Variants in KANSL1 observed in about 807,000 individuals in gnomAD.
The protein encoded by KANSL1 is MLL1/MLL complex subunit KANSL1.
KANSL1 carries 22 observed loss-of-function variants against 103.6 expected under a neutral mutation model. The observed-to-expected ratio is 0.21, with a 90% CI of 0.15 to 0.30. The LOEUF is 0.30. Ranked by LOEUF, KANSL1 falls within the 10% of genes least tolerant of loss-of-function variation. The pLI, the probability that KANSL1 is intolerant of heterozygous loss-of-function variation, is 1.00. For synonymous variants in KANSL1, 600 were observed against 527.6 expected, an observed-to-expected ratio of 1.14 and a Z score of -1.88; for missense variants, 1,337 against 1,399.8, an observed-to-expected ratio of 0.96 and a Z score of 0.72.
chr17:46,175,617 T>G lies in KANSL1; in HGVS notation c.-89-3385A>C, dbSNP rs913531464. Among the ~76,000 whole-genome samples the G allele has an allele frequency of 2.0e-5, 3 of 152,210 alleles. No homozygotes were observed. In the East Asian group the frequency reaches 5.8e-4, roughly 29 times the overall value. On this transcript the variant is annotated intron_variant, in intron 1 of 14. Transcript: ENST00000432791. ...CGCTTGCCTCAGCATCCCAAAGTGCTAGGATTACAGGTGTGATCCACTGTG... is the reference window on the plus strand; with the variant it reads ...CGCTTGCCTCAGCATCCCAAAGTGCGAGGATTACAGGTGTGATCCACTGTG...
chr17:46,034,311 AG>A, intron 10 of KANSL1, 26 bp from the exon 11 acceptor site: 2 of 1,612,102 alleles, frequency 1.2e-6, no homozygotes, highest in South Asian at 2.2e-5. Flanking sequence ...TAAGTTTAAA[AG>A]GAAGGTACAA....
intron 2 of KANSL1, among the ~76,000 whole-genome samples, chr17:46,165,910 G>A (rs1211362495): frequency 1.3e-5 from 2 of 152,074 alleles, no homozygotes; most frequent in African/African-American, 2.4e-5. Flanking sequence ...ACTCCAAGAG[G>A]ATAAAATTCC....
At chr17:46,112,963 C>T (rs1224218805) in intron 2 of KANSL1, among the ~76,000 whole-genome samples, 1 of 152,136 alleles carries the variant, frequency 6.6e-6, no homozygotes, top group Non-Finnish European at 1.5e-5. Flanking sequence ...TCAGGTGACC[C>T]GCCCACCTTG....
intron 2 of KANSL1, among the ~76,000 whole-genome samples, chr17:46,113,563 G>A (rs952749659): frequency 5.3e-5 from 8 of 151,976 alleles, no homozygotes; most frequent in African/African-American, 1.2e-4. Context: ...TTTATCGCAC[G>A]GTAGATCATG....
At chr17:46,095,794 A>G (rs1403171911) in intron 2 of KANSL1, among the ~76,000 whole-genome samples, 3 of 152,246 alleles carry the variant, frequency 2.0e-5, no homozygotes, top group Non-Finnish European at 1.5e-5. Context: ...ACGATTAAAC[A>G]TCAGAATATG....
At chr17:46,050,799 C>A (rs1188837905) in intron 6 of KANSL1, 95 bp from the exon 7 acceptor site, 2 of 1,095,500 alleles carry the variant, frequency 1.8e-6, no homozygotes, top group Non-Finnish European at 2.6e-6. Context: ...AAGTTAGCTC[C>A]CCATTTGTTA....
At chr17:46,145,907 T>A (rs1380819492) in intron 2 of KANSL1, among the ~76,000 whole-genome samples, 1 of 152,192 alleles carries the variant, frequency 6.6e-6, no homozygotes, top group Non-Finnish European at 1.5e-5. Flanking sequence ...TTTTGTATTT[T>A]TAGTAGAGAC....
upstream of KANSL1, among the ~76,000 whole-genome samples, chr17:46,198,505 G>A (rs2047691650): frequency 6.7e-6 from 1 of 149,682 alleles, no homozygotes; most frequent in Non-Finnish European, 1.5e-5. Flanking sequence ...ACCGAAGCAA[G>A]TGGATCACCT....
chr17:46,190,131 T>C (rs1399240831), intron 1 of KANSL1, among the ~76,000 whole-genome samples: 1 of 152,222 alleles, frequency 6.6e-6, no homozygotes, highest in East Asian at 1.9e-4. Flanking sequence ...CTCAATCCTC[T>C]ACAGAAGACG....
At chr17:46,136,929 G>A (rs2044174891) in intron 2 of KANSL1, among the ~76,000 whole-genome samples, 1 of 152,200 alleles carries the variant, frequency 6.6e-6, no homozygotes, top group Admixed American at 6.5e-5. Context: ...TACTTTCAGG[G>A]TTGGGAACTG....
intron 2 of KANSL1, among the ~76,000 whole-genome samples, chr17:46,135,260 G>A (rs1293290345): frequency 1.6e-5 from 2 of 125,836 alleles, no homozygotes; most frequent in African/African-American, 5.0e-5. Context: ...GTAAGGGGTG[G>A]TCTAGATAAA....
At chr17:46,139,466 G>C (rs1265847909) in intron 2 of KANSL1, among the ~76,000 whole-genome samples, 1 of 152,128 alleles carries the variant, frequency 6.6e-6, no homozygotes, top group Non-Finnish European at 1.5e-5. Context: ...TCCTCCACCT[G>C]TGCCACTACT....
intron 1 of KANSL1, among the ~76,000 whole-genome samples, chr17:46,209,400 G>A (rs1469419892): frequency 6.6e-6 from 1 of 152,190 alleles, no homozygotes; most frequent in African/African-American, 2.4e-5. Flanking sequence ...ATCTCTAATA[G>A]TGAATCAAAT....
chr17:46,183,771 C>T (rs2732587), intron 1 of KANSL1, among the ~76,000 whole-genome samples: 21,945 of 151,902 alleles, frequency 0.14, 2,138 homozygotes, highest in Middle Eastern at 0.22. Flanking sequence ...GCCAACACAG[C>T]GAAACCCCGT....
intron 1 of KANSL1, among the ~76,000 whole-genome samples, chr17:46,175,954 G>C (rs2046499837): frequency 6.6e-6 from 1 of 152,156 alleles, no homozygotes; most frequent in Non-Finnish European, 1.5e-5. Flanking sequence ...AAAATATTTT[G>C]AGTCACTTTT....
Position 46,125,863 on chromosome 17 carries a change from G to A in KANSL1, c.1290-31162C>T, listed in dbSNP as rs118101570. Among the ~76,000 whole-genome samples, 13 of 152,296 alleles carry A rather than the reference G, an allele frequency of 8.5e-5. No individual in the cohort carries two copies. The East Asian group carries it at 2.1e-3, about 25-fold the overall frequency. ...AAAGAGATACTACAGGCTAGTATTA[G>A]TAATACTAAAAATAGTTACCTCTTA... On this transcript the variant is annotated intron_variant, in intron 2 of 14. Transcript: ENST00000432791.
chr17:46,217,478 A>G (rs1208981908), intron 1 of KANSL1, among the ~76,000 whole-genome samples: 1 of 152,280 alleles, frequency 6.6e-6, no homozygotes, highest in East Asian at 1.9e-4. Context: ...TCTAAAAAAA[A>G]AAAAAGAGAT....
At chr17:46,207,872 AG>A (rs1180474116) in intron 1 of KANSL1, among the ~76,000 whole-genome samples, 1 of 152,244 alleles carries the variant, frequency 6.6e-6, no homozygotes, top group East Asian at 1.9e-4. Flanking sequence ...GCACTTTGGG[AG>A]GCTGAGGCGG....
chr17:46,182,899 C>G (rs1313507596), intron 1 of KANSL1, among the ~76,000 whole-genome samples: 1 of 152,182 alleles, frequency 6.6e-6, no homozygotes, highest in Admixed American at 6.5e-5. Context: ...GAATTTTAGT[C>G]TTTAGAGGAA....
Sources: gnomAD v4.1 joint callset for allele counts (sites outside exome capture counted in the v4.1 genomes callset) on GRCh38, gnomAD v4.1.1 for gene constraint, MANE v1.5 for transcripts, NCBI Gene and HGNC (gene_info 2026-07-23, HGNC 2026-07-21) for gene names.